SOX5: variants seen among roughly 807,000 people sequenced by gnomAD.
SOX5 encodes the protein SRY-box transcription factor 5, also known as transcription factor SOX-5.
SOX5 carries 9 observed loss-of-function variants against 92.0 expected under a neutral mutation model. The observed-to-expected ratio is 0.10, with a 90% CI of 0.06 to 0.17. The LOEUF is 0.17. Ranked by LOEUF, SOX5 falls within the 10% of genes least tolerant of loss-of-function variation. The pLI, the probability that SOX5 is intolerant of heterozygous loss-of-function variation, is 1.00. For synonymous variants in SOX5, 344 were observed against 336.3 expected (o/e 1.02, Z -0.25); for missense variants, 642 against 944.5 (o/e 0.68, Z 4.20).
At chr12:24,544,402 C>T (rs972802548) in intron 1 of SOX5, among the ~76,000 whole-genome samples, 1 of 152,008 alleles carries the variant, frequency 6.6e-6, no homozygotes, top group African/African-American at 2.4e-5. Flanking sequence ...CTGATCTATA[C>T]ATTGATAAAT....
intron 8 of SOX5, among the ~76,000 whole-genome samples, chr12:23,634,936 T>C (rs1051924644): frequency 6.6e-6 from 1 of 152,196 alleles, no homozygotes; most frequent in African/African-American, 2.4e-5. Flanking sequence ...TCCTCATTCT[T>C]TATTTAACAC....
At chr12:24,538,087 A>G (rs1951797805) in intron 1 of SOX5, among the ~76,000 whole-genome samples, 1 of 152,216 alleles carries the variant, frequency 6.6e-6, no homozygotes, top group South Asian at 2.1e-4. Context: ...GCTATGAAGC[A>G]TACACTGCCC....
intron 4 of SOX5, among the ~76,000 whole-genome samples, chr12:24,203,871 T>C (rs1957766678): frequency 6.6e-6 from 1 of 152,234 alleles, no homozygotes; most frequent in African/African-American, 2.4e-5. Context: ...TATGGTTAAG[T>C]TTTCTTGCTA....
chr12:23,800,491 G>C (rs1171092156), intron 3 of SOX5, among the ~76,000 whole-genome samples: 2 of 152,000 alleles, frequency 1.3e-5, no homozygotes, highest in African/African-American at 4.8e-5. Flanking sequence ...TGACTAGTGA[G>C]AGACGGTAAT....
chr12:24,328,995 T>G (rs1038154810), intron 2 of SOX5, among the ~76,000 whole-genome samples: 6 of 152,214 alleles, frequency 3.9e-5, no homozygotes, highest in African/African-American at 1.4e-4. Flanking sequence ...TTCCCAAGAA[T>G]TAAGAACTAA....
chr12:23,621,360 C>T (rs1307352185), intron 8 of SOX5, among the ~76,000 whole-genome samples: 1 of 151,954 alleles, frequency 6.6e-6, no homozygotes, highest in African/African-American at 2.4e-5. Flanking sequence ...TGAAAATGTA[C>T]TGGACACAGA....
At chr12:23,736,158 TAA>T (rs200769598) in intron 5 of SOX5, among the ~76,000 whole-genome samples, 5 of 142,344 alleles carry the variant, frequency 3.5e-5, no homozygotes, top group Admixed American at 7.0e-5. Context: ...ACATTTTTAT[TAA>T]AAAAAAAAAA....
intron 1 of SOX5, among the ~76,000 whole-genome samples, chr12:24,548,024 T>C (rs987863501): frequency 2.6e-5 from 4 of 152,218 alleles, no homozygotes; most frequent in African/African-American, 9.6e-5. Flanking sequence ...TGAGATTCAT[T>C]ATGTGCCGGA....
At chr12:23,999,158 GTGTGTGTGTGTGTGTGTGTA>G (rs1351407550) in intron 4 of SOX5, among the ~76,000 whole-genome samples, 8 of 150,844 alleles carry the variant, frequency 5.3e-5, no homozygotes, top group Non-Finnish European at 7.4e-5. Flanking sequence ...GTGTGTGTGT[GTGTGTGTGTGTGTGTGTGTA>G]CCATTGCTTC....
intron 2 of SOX5, among the ~76,000 whole-genome samples, chr12:23,877,891 G>T (rs933349026): frequency 6.6e-6 from 1 of 151,628 alleles, no homozygotes; most frequent in Non-Finnish European, 1.5e-5. Flanking sequence ...TCATTTATTA[G>T]TATATAAAAA....
At chr12:24,052,490 T>C (rs1368756725) in intron 4 of SOX5, among the ~76,000 whole-genome samples, 1 of 152,194 alleles carries the variant, frequency 6.6e-6, no homozygotes, top group African/African-American at 2.4e-5. Context: ...AAATATGTTA[T>C]TGACATTGAT....
chr12:24,183,596 A>C (rs1237599280), intron 4 of SOX5, among the ~76,000 whole-genome samples: 1 of 152,184 alleles, frequency 6.6e-6, no homozygotes, highest in Non-Finnish European at 1.5e-5. Flanking sequence ...TTAGATTGAA[A>C]GCAACGTATT....
intron 1 of SOX5, among the ~76,000 whole-genome samples, chr12:24,398,040 C>T (rs971578039): frequency 5.3e-5 from 8 of 151,902 alleles, no homozygotes; most frequent in African/African-American, 1.5e-4. Flanking sequence ...TTAGTAGAGA[C>T]GGGGTTTCAC....
chr12:24,282,295 C>T lies in SOX5; in HGVS notation c.-173-4983G>A, dbSNP rs183104840. On this transcript the variant is annotated intron_variant, in intron 2 of 4. Coordinates refer to the SOX5 transcript ENST00000446891. ...ATGGGTGCAGCACACCAACATGGAA[C>T]ATGTATACATATGTAACAAACCTGC... Among the ~76,000 whole-genome samples the T allele has an allele frequency of 7.3e-4, 111 of 152,140 alleles. No individual in the cohort carries two copies. In the East Asian group the frequency reaches 0.017, roughly 24 times the overall value.
chr12:23,768,314 G>A (rs2094807069), intron 3 of SOX5, among the ~76,000 whole-genome samples: 1 of 152,092 alleles, frequency 6.6e-6, no homozygotes, highest in Non-Finnish European at 1.5e-5. Flanking sequence ...TGTTCCACAT[G>A]TCAGAAACTC....
chr12:23,728,093 T>A (rs2093235245), intron 6 of SOX5, among the ~76,000 whole-genome samples: 1 of 152,156 alleles, frequency 6.6e-6, no homozygotes, highest in African/African-American at 2.4e-5. Context: ...CAGGCAGTTA[T>A]CCTTACGAAC....
At position 24,212,591 on chromosome 12, in the gene SOX5, T is replaced by C. The variant is rs973518089; in HGVS notation, c.-2+752A>G. Reference sequence around the variant, plus strand: ...ATAATAGTGAGAGTTGTGAGCATTGTTGAAACAACCAAGACACTTCCCTGG... The same window carrying C: ...ATAATAGTGAGAGTTGTGAGCATTGCTGAAACAACCAAGACACTTCCCTGG... On this transcript the variant is annotated intron_variant, in intron 4 of 4. Transcript: ENST00000446891. 3 of 469,042 alleles carry C rather than the reference T, an allele frequency of 6.4e-6. 1 individual carries two copies. The highest frequency in any genetic ancestry group is 5.9e-5 in the East Asian group (1 of 17,070). The allele number at this position is 469,042 out of a possible 1,614,324, so 29.1% of individuals were successfully genotyped here. A position where few individuals can be genotyped will look rare whatever the true frequency, so the allele number is the denominator to read the frequency against.
chr12:24,114,573 C>CAAAAAAAAAAAAAA lies in SOX5; in HGVS notation c.-2+98756_-2+98769dup, dbSNP rs55913110. Among the ~76,000 whole-genome samples, 12 of 40,592 alleles carry CAAAAAAAAAAAAAA rather than the reference C, an allele frequency of 3.0e-4. 2 individuals carry two copies. Among genetic ancestry groups the CAAAAAAAAAAAAAA allele is most frequent in the African/African-American group, 1.0e-3 (11 of 10,578 alleles). 26.6% of individuals were successfully genotyped at this position (40,592 alleles called of 152,430 possible). A position where few individuals can be genotyped will look rare whatever the true frequency, so the allele number is the denominator to read the frequency against. ...CCTGGTGACAGGGCACACCCCGTCA[C>CAAAAAAAAAAAAAA]AAAAAAAAAAAAAAAAAAAAAAAAA... On this transcript the variant is annotated intron_variant, in intron 4 of 4. Coordinates refer to the SOX5 transcript ENST00000446891.
At chr12:24,544,896 T>C (rs2138857215) in intron 1 of SOX5, among the ~76,000 whole-genome samples, 1 of 152,342 alleles carries the variant, frequency 6.6e-6, no homozygotes, top group Admixed American at 6.5e-5. Flanking sequence ...ACTGGCATGT[T>C]AGAAGAAAAT....
Sources: gnomAD v4.1 joint callset for allele counts (sites outside exome capture counted in the v4.1 genomes callset) on GRCh38, gnomAD v4.1.1 for gene constraint, MANE v1.5 for transcripts, NCBI Gene and HGNC (gene_info 2026-07-23, HGNC 2026-07-21) for gene names.